HSD17B12: variants seen among roughly 807,000 people sequenced by gnomAD.
HSD17B12 encodes the protein very-long-chain 3-oxoacyl-CoA reductase.
Under a neutral mutation model 39.3 loss-of-function variants are expected in HSD17B12, and 32 were observed. The ratio of observed to expected loss-of-function variants is 0.81; its 90% CI spans 0.61 to 1.09. The LOEUF (loss-of-function observed/expected upper bound fraction) is 1.09. Ranked by LOEUF, HSD17B12 falls within the 50% of genes least tolerant of loss-of-function variation. HSD17B12 has a pLI of 0.00. For synonymous variants in HSD17B12, 150 were observed against 146.7 expected, an observed-to-expected ratio of 1.02 and a Z score of -0.16; for missense variants, 342 against 382.9, an observed-to-expected ratio of 0.89 and a Z score of 0.89.
intron 3 of HSD17B12, among the ~76,000 whole-genome samples, chr11:43,757,275 A>G (rs1378902598): frequency 6.6e-6 from 1 of 152,214 alleles, no homozygotes; most frequent in African/African-American, 2.4e-5. Flanking sequence ...CAGTGAAGAT[A>G]CCATGGTGAA....
intron 3 of HSD17B12, among the ~76,000 whole-genome samples, chr11:43,775,216 G>T (rs1024434453): frequency 3.9e-5 from 6 of 152,222 alleles, no homozygotes; most frequent in Non-Finnish European, 8.8e-5. Context: ...CTGAGCCTTA[G>T]ATGAAATCCT....
At position 43,854,872 on chromosome 11, in the gene HSD17B12, G is replaced by A. The variant is rs1469332996; in HGVS notation, c.834+8G>A. 6.2e-7 allele frequency: 1 copy of A among 1,612,550 alleles called. No homozygotes were observed. Among genetic ancestry groups the A allele is most frequent in the African/African-American group, 1.3e-5 (1 of 74,944 alleles). ...CTGATCCATGCTCTTATGGTAGGTA[G>A]ATTTTTTGAATCACAAATCAATACT... On this transcript the variant is annotated splice_region_variant and intron_variant, in intron 10 of 10. Coordinates refer to ENST00000278353, the MANE Select transcript of HSD17B12 (RefSeq NM_016142.3).
chr11:43,841,101 T>C (rs1174450082), intron 9 of HSD17B12, among the ~76,000 whole-genome samples: 1 of 152,146 alleles, frequency 6.6e-6, no homozygotes, highest in African/African-American at 2.4e-5. Flanking sequence ...CTCATTGTGG[T>C]TTTGATTTGC....
chr11:43,616,676 A>T, the HSD17B12 span, among the ~76,000 whole-genome samples: 5 of 150,910 alleles, frequency 3.3e-5, no homozygotes, highest in South Asian at 2.1e-4. Context: ...AATAGGCAGA[A>T]GTTGGCATTT....
intron 6 of HSD17B12, among the ~76,000 whole-genome samples, chr11:43,828,292 G>A (rs1951269308): frequency 2.0e-5 from 3 of 148,472 alleles, no homozygotes. Flanking sequence ...ACAGGCGCCC[G>A]CCACTACGCC....
the HSD17B12 span, among the ~76,000 whole-genome samples, chr11:43,643,601 C>T: frequency 6.6e-6 from 1 of 151,882 alleles, no homozygotes; most frequent in African/African-American, 2.4e-5. Context: ...CAGGTTTTCC[C>T]CTAAAAAAAA....
chr11:43,708,503 C>G (rs754727867), intron 1 of HSD17B12, among the ~76,000 whole-genome samples: 1 of 152,152 alleles, frequency 6.6e-6, no homozygotes, highest in African/African-American at 2.4e-5. Flanking sequence ...TGGATCAACT[C>G]TAAAATAATT....
chr11:43,610,624 C>G, the HSD17B12 span, among the ~76,000 whole-genome samples: 2 of 152,066 alleles, frequency 1.3e-5, no homozygotes, highest in African/African-American at 4.8e-5. Flanking sequence ...ATATATAATA[C>G]TAGTAGATGG....
At chr11:43,598,081 G>A in the HSD17B12 span, among the ~76,000 whole-genome samples, 1 of 152,258 alleles carries the variant, frequency 6.6e-6, no homozygotes. Context: ...ACCAAGTACT[G>A]GTCAGTGCCC....
the HSD17B12 span, among the ~76,000 whole-genome samples, chr11:43,573,050 G>A: frequency 6.6e-6 from 1 of 152,196 alleles, no homozygotes; most frequent in Admixed American, 6.5e-5. Flanking sequence ...CTTTTCAAGG[G>A]CTTCGTGATA....
chr11:43,608,517 C>T, the HSD17B12 span, among the ~76,000 whole-genome samples: 1 of 152,064 alleles, frequency 6.6e-6, no homozygotes, highest in Non-Finnish European at 1.5e-5. Context: ...TGCACCTGTG[C>T]ATTTTGTTTG....
At chr11:43,696,839 G>A (rs1411296843) in intron 1 of HSD17B12, among the ~76,000 whole-genome samples, 3 of 152,106 alleles carry the variant, frequency 2.0e-5, no homozygotes, top group Non-Finnish European at 4.4e-5. Flanking sequence ...ACCAAAAAAG[G>A]AATGAGATCA....
chr11:43,603,002 T>C, the HSD17B12 span, among the ~76,000 whole-genome samples: 1 of 152,168 alleles, frequency 6.6e-6, no homozygotes, highest in South Asian at 2.1e-4. Context: ...GAAGCTATTT[T>C]CCAGGCACAG....
chr11:43,565,774 A>T, the HSD17B12 span, among the ~76,000 whole-genome samples: 1 of 152,230 alleles, frequency 6.6e-6, no homozygotes, highest in African/African-American at 2.4e-5. Context: ...AGATCATCTT[A>T]GAAAATGAAA....
intron 7 of HSD17B12, 73 bp from the exon 8 acceptor site, chr11:43,838,244 T>C (rs1389369047): frequency 3.1e-6 from 3 of 981,804 alleles, no homozygotes; most frequent in Non-Finnish European, 4.9e-6. Context: ...TAATTATATA[T>C]CTCAATCTGT....
At chr11:43,637,753 T>C in the HSD17B12 span, among the ~76,000 whole-genome samples, 3 of 152,350 alleles carry the variant, frequency 2.0e-5, no homozygotes, top group Non-Finnish European at 2.9e-5. Flanking sequence ...AACAAGTTCA[T>C]AGAAACACAG....
chr11:43,667,180 A>G, the HSD17B12 span, among the ~76,000 whole-genome samples: 1 of 152,144 alleles, frequency 6.6e-6, no homozygotes, highest in Non-Finnish European at 1.5e-5. Flanking sequence ...GAGACAGAGT[A>G]TCACTCTATG....
At chr11:43,718,276 C>T (rs1431261443) in intron 1 of HSD17B12, among the ~76,000 whole-genome samples, 1 of 152,190 alleles carries the variant, frequency 6.6e-6, no homozygotes, top group Non-Finnish European at 1.5e-5. Flanking sequence ...ACAGTCTGCC[C>T]TCTGAACATA....
chr11:43,807,337 T>A (rs1951028878), intron 4 of HSD17B12, among the ~76,000 whole-genome samples: 1 of 152,144 alleles, frequency 6.6e-6, no homozygotes, highest in African/African-American at 2.4e-5. Flanking sequence ...GGCTGAATAA[T>A]ACTGGGAGAA....
Sources: allele counts gnomAD v4.1 joint callset (sites outside exome capture counted in the v4.1 genomes callset), GRCh38; gene constraint gnomAD v4.1.1; transcripts MANE v1.5; gene names NCBI Gene and HGNC (gene_info 2026-07-23, HGNC 2026-07-21).